The following CCDC91 variants were observed in gnomAD, a reference collection of about 807,000 sequenced individuals.
CCDC91 encodes the protein coiled-coil domain containing 91.
Under a neutral mutation model 63.2 loss-of-function variants are expected in CCDC91, and 48 were observed. The ratio of observed to expected loss-of-function variants is 0.76; its 90% CI spans 0.60 to 0.97. CCDC91 has a LOEUF of 0.97. Among genes scored for constraint, CCDC91 ranks in the 50% least tolerant of loss-of-function variants. CCDC91 has a pLI of 0.00. For synonymous variants in CCDC91, 167 were observed against 165.8 expected (o/e 1.01, Z -0.06); for missense variants, 500 against 494.6 (o/e 1.01, Z -0.10).
At chr12:28,312,581 G>A (rs1939434441) in intron 6 of CCDC91, among the ~76,000 whole-genome samples, 1 of 152,018 alleles carries the variant, frequency 6.6e-6, no homozygotes, top group Non-Finnish European at 1.5e-5. Context: ...TGTCAAAGGA[G>A]GCTACTGTAT....
At chr12:28,291,844 C>A (rs1244119325) in intron 3 of CCDC91, among the ~76,000 whole-genome samples, 1 of 152,100 alleles carries the variant, frequency 6.6e-6, no homozygotes, top group Non-Finnish European at 1.5e-5. Flanking sequence ...ACGTTGAGTT[C>A]TTTGGCAACC....
At chr12:28,370,498 A>G (rs1944549513) in intron 7 of CCDC91, among the ~76,000 whole-genome samples, 2 of 152,210 alleles carry the variant, frequency 1.3e-5, no homozygotes, top group African/African-American at 2.4e-5. Flanking sequence ...AAACCATTCA[A>G]CAAGTCTCCA....
At chr12:28,447,758 G>A (rs1219576265) in intron 8 of CCDC91, among the ~76,000 whole-genome samples, 15 of 61,336 alleles carry the variant, frequency 2.4e-4, no homozygotes, top group Non-Finnish European at 3.6e-4. Context: ...GAGGGGAGGG[G>A]AGGGAAGGGA....
At chr12:28,527,228 A>T (rs1941338864) in intron 12 of CCDC91, among the ~76,000 whole-genome samples, 1 of 151,990 alleles carries the variant, frequency 6.6e-6, no homozygotes, top group African/African-American at 2.4e-5. Context: ...TCTTATTTGG[A>T]TAGGCTCTGT....
At chr12:28,411,851 A>T (rs556847841) in intron 8 of CCDC91, among the ~76,000 whole-genome samples, 2 of 152,320 alleles carry the variant, frequency 1.3e-5, no homozygotes, top group African/African-American at 4.8e-5. Flanking sequence ...ACACCTCAAG[A>T]AAAAGCCTCA....
At chr12:28,209,006 C>G (rs11494779) in intron 1 of CCDC91, among the ~76,000 whole-genome samples, 1 of 151,534 alleles carries the variant, frequency 6.6e-6, no homozygotes, top group East Asian at 1.9e-4. Context: ...TGAGGTTTCA[C>G]CATGTTAGCC....
At chr12:28,259,873 A>T (rs1234777351) in intron 3 of CCDC91, among the ~76,000 whole-genome samples, 1 of 151,998 alleles carries the variant, frequency 6.6e-6, no homozygotes, top group Non-Finnish European at 1.5e-5. Context: ...AAAATTAAAA[A>T]TTAAATACAA....
At chr12:28,471,440 C>G (rs749512421) in intron 11 of CCDC91, among the ~76,000 whole-genome samples, 1 of 152,026 alleles carries the variant, frequency 6.6e-6, no homozygotes, top group Non-Finnish European at 1.5e-5. Flanking sequence ...AAAGGGTAAA[C>G]CAAGAAGAAA....
intron 8 of CCDC91, among the ~76,000 whole-genome samples, chr12:28,448,070 G>C (rs1949623098): frequency 6.6e-6 from 1 of 151,998 alleles, no homozygotes; most frequent in Non-Finnish European, 1.5e-5. Flanking sequence ...AATTACTATA[G>C]GTAATAATGA....
chr12:28,219,310 A>T (rs1260448058), intron 1 of CCDC91, among the ~76,000 whole-genome samples: 1 of 152,062 alleles, frequency 6.6e-6, no homozygotes, highest in African/African-American at 2.4e-5. Flanking sequence ...TTTATATGTA[A>T]GCTTTCTTTT....
At chr12:28,308,236 A>C (rs1397090608) in intron 6 of CCDC91, among the ~76,000 whole-genome samples, 2 of 151,914 alleles carry the variant, frequency 1.3e-5, no homozygotes, top group East Asian at 3.9e-4. Flanking sequence ...TACTTACTCA[A>C]TGTCTGTTTC....
At chr12:28,387,991 T>C (rs1273382157) in intron 7 of CCDC91, among the ~76,000 whole-genome samples, 1 of 152,200 alleles carries the variant, frequency 6.6e-6, no homozygotes, top group Admixed American at 6.5e-5. Flanking sequence ...TGTACTAGTT[T>C]ACATTCCCAC....
intron 2 of CCDC91, among the ~76,000 whole-genome samples, chr12:28,258,528 A>G (rs1452798794): frequency 1.3e-5 from 2 of 152,020 alleles, no homozygotes; most frequent in East Asian, 1.9e-4. Context: ...ATTTAATTGT[A>G]GTTATTAGGT....
chr12:28,254,772 CTT>C (rs34812000), intron 1 of CCDC91, among the ~76,000 whole-genome samples: 118 of 128,756 alleles, frequency 9.2e-4, no homozygotes, highest in Admixed American at 1.3e-3. Flanking sequence ...GTATCATCTG[CTT>C]TTTTTTTTTT....
intron 6 of CCDC91, among the ~76,000 whole-genome samples, chr12:28,321,411 A>C (rs1337581854): frequency 6.6e-6 from 1 of 151,894 alleles, no homozygotes; most frequent in Non-Finnish European, 1.5e-5. Context: ...CACATAAAAA[A>C]AATGTTGATT....
At chr12:28,444,210 G>A (rs1949379652) in intron 8 of CCDC91, among the ~76,000 whole-genome samples, 1 of 152,152 alleles carries the variant, frequency 6.6e-6, no homozygotes, top group Non-Finnish European at 1.5e-5. Context: ...AACCTATTGA[G>A]GTGGAGAAGA....
intron 1 of CCDC91, among the ~76,000 whole-genome samples, chr12:28,232,873 C>G (rs1379676570): frequency 6.6e-6 from 1 of 150,718 alleles, no homozygotes; most frequent in African/African-American, 2.4e-5. Flanking sequence ...CCCAGCTACT[C>G]AGAAGGCTGA....
chr12:28,360,147 G>T (rs1052677083), intron 6 of CCDC91, among the ~76,000 whole-genome samples: 5 of 152,120 alleles, frequency 3.3e-5, no homozygotes, highest in African/African-American at 2.4e-5. Flanking sequence ...AATTGCTGTT[G>T]ATTCTTTATG....
At chr12:28,474,027 G>T (rs1283966886) in intron 11 of CCDC91, among the ~76,000 whole-genome samples, 2 of 151,656 alleles carry the variant, frequency 1.3e-5, no homozygotes, top group African/African-American at 2.4e-5. Flanking sequence ...TGTCTTGAAG[G>T]ATTTTAAATT....
Sources: gnomAD v4.1 joint callset for allele counts (sites outside exome capture counted in the v4.1 genomes callset) on GRCh38, gnomAD v4.1.1 for gene constraint, MANE v1.5 for transcripts, NCBI Gene and HGNC (gene_info 2026-07-23, HGNC 2026-07-21) for gene names.